Variants in BMPR1B observed in about 807,000 individuals in gnomAD.
BMPR1B encodes bone morphogenetic protein receptor type-1B.
BMPR1B carries 12 observed loss-of-function variants against 59.1 expected under a neutral mutation model. That is an observed-to-expected ratio of 0.20 (90% CI 0.13 to 0.33). The LOEUF is 0.33. Among genes scored for constraint, BMPR1B ranks in the 10% least tolerant of loss-of-function variants. The probability of loss-of-function intolerance (pLI) is 1.00; values close to 1 mark genes in which losing one functional copy is unlikely to be tolerated. For missense variants in BMPR1B, 550 were observed against 610.9 expected (o/e 0.90, Z 1.05); for synonymous variants, 237 against 207.3 (o/e 1.14, Z -1.23).
At chr4:95,072,150 C>T (rs1188664350) in intron 3 of BMPR1B, among the ~76,000 whole-genome samples, 1 of 152,104 alleles carries the variant, frequency 6.6e-6, no homozygotes. Flanking sequence ...AGTATGAAGG[C>T]AGTCAGGCGG....
chr4:94,917,970 C>T (rs1297835381), intron 2 of BMPR1B, among the ~76,000 whole-genome samples: 1 of 151,890 alleles, frequency 6.6e-6, no homozygotes, highest in Admixed American at 6.6e-5. Flanking sequence ...TGTGGCACTT[C>T]CCTCCTCACT....
rs148933182 is a variant in BMPR1B, at chr4:94,896,087, G to A, written c.-113+20187G>A. On this transcript the variant is annotated intron_variant, in intron 2 of 12. Coordinates refer to ENST00000515059, the MANE Select transcript of BMPR1B (RefSeq NM_001203.3). ...ACAGATTTATTTTTCGTTCAATGACGTACTCCTAGTTAAAAGCTCTTTTGG... is the reference window on the plus strand; with the variant it reads ...ACAGATTTATTTTTCGTTCAATGACATACTCCTAGTTAAAAGCTCTTTTGG... Among the ~76,000 whole-genome samples, 29 of 152,012 alleles carry A rather than the reference G, an allele frequency of 1.9e-4. No individual in the cohort carries two copies. In the East Asian group the frequency reaches 3.9e-3, roughly 20 times the overall value.
Position 95,006,696 on chromosome 4 carries a change from C to T in BMPR1B, c.-18+10562C>T, listed in dbSNP as rs747016842. Among the ~76,000 whole-genome samples the T allele has an allele frequency of 3.5e-4, 53 of 151,822 alleles. 1 individual carries two copies. The highest frequency in any genetic ancestry group is 2.6e-4 in the Non-Finnish European group (18 of 67,984). ...AGCTGGGATTACAGGCGCACCACCA[C>T]ACCTGGCTAATTTTTTGTATCTTTA... On this transcript the variant is annotated intron_variant, in intron 3 of 12. Transcript: ENST00000515059.
chr4:94,867,737 G>A (rs952521397), intron 1 of BMPR1B, among the ~76,000 whole-genome samples: 1 of 152,170 alleles, frequency 6.6e-6, no homozygotes, highest in Admixed American at 6.5e-5. Flanking sequence ...GAACCCTTGG[G>A]AAAACATAAG....
In BMPR1B at chr4:94,831,244, A is replaced by C. The variant is rs1312675423; in HGVS notation, c.-182-44587A>C. Among the ~76,000 whole-genome samples, 3 of 118,290 alleles carry C rather than the reference A, an allele frequency of 2.5e-5. No individual in the cohort carries two copies. The East Asian group carries it at 5.8e-4, about 23-fold the overall frequency. 77.6% of individuals were successfully genotyped at this position (118,290 alleles called of 152,430 possible). A position where few individuals can be genotyped will look rare whatever the true frequency, so the allele number is the denominator to read the frequency against. Reference sequence around the variant, plus strand: ...GAAAGTTTAAAAAGTAAAAAAAAAAAAAAAAAACGTAGAAGAAAGCTTATA... The same window carrying C: ...GAAAGTTTAAAAAGTAAAAAAAAAACAAAAAAACGTAGAAGAAAGCTTATA... On this transcript the variant is annotated intron_variant, in intron 1 of 12. Coordinates refer to ENST00000515059, the MANE Select transcript of BMPR1B (RefSeq NM_001203.3).
intron 2 of BMPR1B, among the ~76,000 whole-genome samples, chr4:94,985,899 G>A (rs969171826): frequency 6.6e-6 from 1 of 152,144 alleles, no homozygotes; most frequent in African/African-American, 2.4e-5. Flanking sequence ...AATGTGAGTC[G>A]TTAGATTTCT....
At chr4:94,861,713 T>G (rs1725984221) in intron 1 of BMPR1B, among the ~76,000 whole-genome samples, 1 of 152,186 alleles carries the variant, frequency 6.6e-6, no homozygotes, top group Non-Finnish European at 1.5e-5. Flanking sequence ...AAAAAAGAGA[T>G]TACCCAATAA....
At chr4:94,956,070 G>A (rs1012380954) in intron 2 of BMPR1B, among the ~76,000 whole-genome samples, 42 of 152,146 alleles carry the variant, frequency 2.8e-4, no homozygotes, top group African/African-American at 8.4e-4. Flanking sequence ...TTTTAAGTTC[G>A]CAATAAAATG....
chr4:94,905,501 AAGTTG>A (rs147930028), intron 2 of BMPR1B, among the ~76,000 whole-genome samples: 2,942 of 152,108 alleles, frequency 0.019, 107 homozygotes, highest in African/African-American at 0.066. Context: ...ATTTTCTGTC[AAGTTG>A]AGTTTTATGA....
chr4:95,141,159 C>T (rs952745051), intron 10 of BMPR1B, among the ~76,000 whole-genome samples: 2 of 152,138 alleles, frequency 1.3e-5, no homozygotes, highest in African/African-American at 4.8e-5. Flanking sequence ...TTCAGAGGTG[C>T]TTTTTCCAGT....
intron 3 of BMPR1B, among the ~76,000 whole-genome samples, chr4:95,101,730 A>G (rs1425743377): frequency 3.9e-5 from 6 of 152,138 alleles, no homozygotes; most frequent in Admixed American, 6.6e-5. Context: ...TTTCTCCTAC[A>G]GTTTCCTGTA....
chr4:95,091,657 C>T (rs1729997163), intron 3 of BMPR1B: 1 of 984,070 alleles, frequency 1.0e-6, no homozygotes, highest in South Asian at 4.7e-5. Flanking sequence ...TTATATCTCA[C>T]AGAGACTGTT....
intron 1 of BMPR1B, among the ~76,000 whole-genome samples, chr4:94,774,710 A>G (rs1722305833): frequency 6.6e-6 from 1 of 152,020 alleles, no homozygotes; most frequent in East Asian, 1.9e-4. Flanking sequence ...TGTACTCTGC[A>G]CTGTATCAAT....
At chr4:94,783,433 C>G (rs1181311062) in intron 1 of BMPR1B, among the ~76,000 whole-genome samples, 1 of 152,168 alleles carries the variant, frequency 6.6e-6, no homozygotes, top group African/African-American at 2.4e-5. Context: ...CTAGAGTACC[C>G]TTAGGCTTGA....
chr4:95,017,475 T>A (rs1723660703), intron 3 of BMPR1B, among the ~76,000 whole-genome samples: 1 of 152,228 alleles, frequency 6.6e-6, no homozygotes, highest in African/African-American at 2.4e-5. Flanking sequence ...GGGGCCTGTG[T>A]TAGAATCACC....
At chr4:95,063,876 A>G (rs1461876623) in intron 3 of BMPR1B, among the ~76,000 whole-genome samples, 1 of 152,132 alleles carries the variant, frequency 6.6e-6, no homozygotes, top group East Asian at 1.9e-4. Flanking sequence ...GAGGAGTAAT[A>G]TGGAAATATA....
chr4:95,149,100 C>A (rs1303437237), intron 11 of BMPR1B, among the ~76,000 whole-genome samples, 177 bp downstream of exon 11: 2 of 152,212 alleles, frequency 1.3e-5, no homozygotes, highest in Non-Finnish European at 2.9e-5. Flanking sequence ...CTAGAATAAT[C>A]TTTGACTGCT....
intron 3 of BMPR1B, among the ~76,000 whole-genome samples, chr4:95,051,924 A>G (rs1366332123): frequency 1.3e-5 from 2 of 151,570 alleles, no homozygotes; most frequent in African/African-American, 2.4e-5. Flanking sequence ...TAATTTTACT[A>G]CTTTCTCTAT....
intron 1 of BMPR1B, among the ~76,000 whole-genome samples, chr4:94,818,512 C>T (rs72669063): frequency 6.6e-6 from 1 of 152,164 alleles, no homozygotes; most frequent in African/African-American, 2.4e-5. Context: ...ATTCAAGCTC[C>T]TACTATGTGC....
Sources: allele counts gnomAD v4.1 joint callset (sites outside exome capture counted in the v4.1 genomes callset), GRCh38; gene constraint gnomAD v4.1.1; transcripts MANE v1.5; gene names NCBI Gene and HGNC (gene_info 2026-07-23, HGNC 2026-07-21).